SPAG17: variants seen among roughly 807,000 people sequenced by gnomAD.
SPAG17 encodes sperm-associated antigen 17.
A neutral mutation model predicts 273.6 loss-of-function variants in SPAG17; 169 were observed. The ratio of observed to expected loss-of-function variants is 0.62; its 90% CI spans 0.55 to 0.70. SPAG17 has a LOEUF of 0.70. Among genes scored for constraint, SPAG17 ranks in the 30% least tolerant of loss-of-function variants. The probability of loss-of-function intolerance (pLI) is 0.00; values close to 1 mark genes in which losing one functional copy is unlikely to be tolerated. For missense variants in SPAG17, 2,557 were observed against 2,627.8 expected, an observed-to-expected ratio of 0.97 and a Z score of 0.59; for synonymous variants, 825 against 873.2, an observed-to-expected ratio of 0.94 and a Z score of 0.97.
chr1:118,070,300 T>C (rs1653450693), intron 17 of SPAG17, among the ~76,000 whole-genome samples: 1 of 152,200 alleles, frequency 6.6e-6, no homozygotes, highest in South Asian at 2.1e-4. Context: ...TGCAGAAATA[T>C]AGAAAGTCTC....
At chr1:118,108,773 A>G (rs1656570852) in intron 4 of SPAG17, among the ~76,000 whole-genome samples, 1 of 151,462 alleles carries the variant, frequency 6.6e-6, no homozygotes, top group African/African-American at 2.4e-5. Context: ...ACGGCTTTGG[A>G]TAGGCACAGA....
chr1:118,179,132 A>G (rs934584154), intron 1 of SPAG17, among the ~76,000 whole-genome samples: 1 of 152,010 alleles, frequency 6.6e-6, no homozygotes, highest in Non-Finnish European at 1.5e-5. Context: ...CACAAAACCC[A>G]GGAGAACCAA....
At chr1:118,108,517 G>T (rs1451328001) in intron 4 of SPAG17, among the ~76,000 whole-genome samples, 1 of 151,952 alleles carries the variant, frequency 6.6e-6, no homozygotes, top group African/African-American at 2.4e-5. Flanking sequence ...TCTTGCTTCT[G>T]GATAACATGG....
rs747360049 is a variant in SPAG17 at position 117,973,422 on chromosome 1, T to C, written c.6141+3A>G. The C allele has an allele frequency of 1.9e-6, 3 of 1,612,302 alleles. No individual in the cohort carries two copies. Among genetic ancestry groups the C allele is most frequent in the Non-Finnish European group, 2.5e-6 (3 of 1,179,028 alleles). On this transcript the variant is annotated splice_donor_region_variant and intron_variant, in intron 44 of 48. Transcript: ENST00000336338. ...GGGGAATTTGTTCCAATGTTTGTTT[T>C]ACCTTTGCAAGAGGTTGAGACTTAG...
rs540580562 is a variant in SPAG17, at chr1:118,040,930, G to A, written c.3055-89C>T. On this transcript the variant is annotated intron_variant, in intron 21 of 48. Transcript: ENST00000336338. ...TGTTAGCCAACTAAAGTTGCCAGAA[G>A]CTTAATTTCTGCTAAGTGATATGTC... 3.5e-4 allele frequency: 286 copies of A among 825,316 alleles called. 2 individuals carry two copies. In the South Asian group the frequency reaches 4.0e-3, roughly 12 times the overall value. The allele number at this position is 825,316 out of a possible 1,614,324, so 51.1% of individuals were successfully genotyped here. A position where few individuals can be genotyped will look rare whatever the true frequency, so the allele number is the denominator to read the frequency against.
At chr1:118,036,625 C>CA in intron 24 of SPAG17, 145 bp downstream of exon 24, 2 of 608,200 alleles carry the variant, frequency 3.3e-6, no homozygotes, top group Non-Finnish European at 3.0e-6. Context: ...CACACACACA[C>CA]CTCTTCTATT....
At chr1:118,042,133 T>G (rs1259158162) in intron 20 of SPAG17, 91 bp from the exon 21 acceptor site, 21 of 1,448,430 alleles carry the variant, frequency 1.4e-5, no homozygotes, top group Non-Finnish European at 1.9e-5. Flanking sequence ...TTTAACATGA[T>G]TTTTGTTAGT....
intron 2 of SPAG17, 46 bp from the exon 3 acceptor site, chr1:118,150,675 A>G (rs1659326823): frequency 2.7e-6 from 3 of 1,108,788 alleles, no homozygotes; most frequent in Middle Eastern, 2.3e-4. Context: ...GCCTTATTTG[A>G]AGAATACTTA....
chr1:118,023,564 A>C, intron 27 of SPAG17, 101 bp from the exon 28 acceptor site: 1 of 1,168,944 alleles, frequency 8.6e-7, no homozygotes. Flanking sequence ...AAAATGATCC[A>C]CAGAAGAAAT....
rs976880823 is a variant in SPAG17, at chr1:117,988,184, A to C, written c.5542T>G (p.Leu1848Val). Residue 1848 changes from leucine to valine, a missense_variant, in exon 39 of 49, where the codon TTA becomes GTA. Coordinates refer to ENST00000336338, the MANE Select transcript of SPAG17 (RefSeq NM_206996.4). Reference sequence around the variant, plus strand: ...GGCGTAGCCAAAGACTGCTTGAATAAATCAGTTAGGTGAGCTGCAACTTTA... The same window carrying C: ...GGCGTAGCCAAAGACTGCTTGAATACATCAGTTAGGTGAGCTGCAACTTTA... ...VTEVAAHLTD[L>V]FKQSLATPPK... 1.3e-6 allele frequency: 2 copies of C among 1,599,680 alleles called. No individual in the cohort carries two copies. Among genetic ancestry groups the C allele is most frequent in the East Asian group, 2.2e-5 (1 of 44,748 alleles).
chr1:118,082,402 C>A (rs1211277223), intron 13 of SPAG17, among the ~76,000 whole-genome samples: 18 of 152,144 alleles, frequency 1.2e-4, no homozygotes, highest in Non-Finnish European at 2.6e-4. Flanking sequence ...TCAGAAGTAA[C>A]CTCCATTTTC....
chr1:117,988,789 G>A (rs1180899517), intron 38 of SPAG17, among the ~76,000 whole-genome samples: 1 of 152,072 alleles, frequency 6.6e-6, no homozygotes. Flanking sequence ...ACGTCATTGT[G>A]ACTCACTAAG....
At position 118,074,558 on chromosome 1, in the gene SPAG17, T is replaced by TTTG. The variant is rs759512132; in HGVS notation, c.2249_2251dup (p.Thr750dup). The TTTG allele has an allele frequency of 1.2e-6, 2 of 1,613,738 alleles. No individual in the cohort carries two copies. The highest frequency in any genetic ancestry group is 1.7e-6 in the Non-Finnish European group (2 of 1,179,786). On this transcript the variant is annotated inframe_insertion, in exon 16 of 49. Coordinates refer to ENST00000336338, the MANE Select transcript of SPAG17 (RefSeq NM_206996.4). ...CCTTACCTTTTCATGAGAATCAGCC[T>TTTG]TTGTGACTGCATCATCTTTGATCTC...
At chr1:118,003,286 T>A (rs1658515077) in intron 32 of SPAG17, among the ~76,000 whole-genome samples, 3 of 152,220 alleles carry the variant, frequency 2.0e-5, no homozygotes, top group Non-Finnish European at 4.4e-5. Flanking sequence ...CCCTGGTGAA[T>A]TTGACACTTG....
At chr1:118,032,098 A>G (rs1326511596) in intron 24 of SPAG17, among the ~76,000 whole-genome samples, 2 of 152,172 alleles carry the variant, frequency 1.3e-5, no homozygotes, top group African/African-American at 4.8e-5. Context: ...CTGAATCACT[A>G]TTTCTCATGT....
chr1:117,954,172 TTTA>T, intron 48 of SPAG17, 123 bp from the exon 49 acceptor site: 2 of 1,284,986 alleles, frequency 1.6e-6, no homozygotes, highest in South Asian at 2.7e-5. Context: ...TGTTTTGGGA[TTTA>T]TTAACTAAGA....
In SPAG17 at chr1:117,983,890, G is replaced by T. The variant is rs754238875; in HGVS notation, c.5793C>A (p.Ser1931=). Residue 1931 remains serine, a synonymous_variant, in exon 42 of 49, where the codon TCC becomes TCA. Coordinates refer to ENST00000336338, the MANE Select transcript of SPAG17 (RefSeq NM_206996.4). ...TCTTTGTAAAAGAAGGCAGTTTTTTGGAAAGACTGTCCAGGTGATTATACT... is the reference window on the plus strand; with the variant it reads ...TCTTTGTAAAAGAAGGCAGTTTTTTTGAAAGACTGTCCAGGTGATTATACT... ...QSQYNHLDSL[S]KKLPSFTKKN... The T allele has an allele frequency of 1.2e-6, 2 of 1,610,530 alleles. No homozygotes were observed. Among genetic ancestry groups the T allele is most frequent in the South Asian group, 2.2e-5 (2 of 90,794 alleles).
At chr1:118,182,026 G>A (rs1283434861) in intron 1 of SPAG17, among the ~76,000 whole-genome samples, 1 of 152,098 alleles carries the variant, frequency 6.6e-6, no homozygotes, top group Non-Finnish European at 1.5e-5. Flanking sequence ...TTAAAGCAGA[G>A]ACTCCAACAG....
At chr1:118,038,227 AAGATACCACT>A (rs1183838230) in intron 23 of SPAG17, among the ~76,000 whole-genome samples, 2 of 152,202 alleles carry the variant, frequency 1.3e-5, no homozygotes, top group Non-Finnish European at 2.9e-5. Context: ...TTAAAACAAC[AAGATACCACT>A]AGACACCTTA....
Sources: gnomAD v4.1 joint callset for allele counts (sites outside exome capture counted in the v4.1 genomes callset) on GRCh38, gnomAD v4.1.1 for gene constraint, MANE v1.5 for transcripts, NCBI Gene and HGNC (gene_info 2026-07-23, HGNC 2026-07-21) for gene names.